The following ORC6 variants were observed in gnomAD, a reference collection of about 807,000 sequenced individuals.
ORC6 encodes origin recognition complex subunit 6, also known as origin recognition complex, subunit 6 homolog-like (yeast).
Under a neutral mutation model 30.0 loss-of-function variants are expected in ORC6, and 31 were observed. The ratio of observed to expected loss-of-function variants is 1.03; its 90% confidence interval spans 0.78 to 1.40. ORC6 has a LOEUF of 1.40. Ranked by LOEUF, ORC6 falls within the 40% of genes most tolerant of loss-of-function variation. ORC6 has a pLI of 0.00. For missense variants in ORC6, 340 were observed against 304.3 expected (o/e 1.12, Z -0.87); for synonymous variants, 136 against 111.2 (o/e 1.22, Z -1.40).
chr16:46,696,366 G>A, intron 6 of ORC6: 1 of 491,986 alleles, frequency 2.0e-6, no homozygotes, highest in South Asian at 2.1e-5. Flanking sequence ...GACCAGCCTG[G>A]GCAGCTACAG....
At chr16:46,693,457 C>G in intron 4 of ORC6, 1 of 512,472 alleles carries the variant, frequency 2.0e-6, no homozygotes, top group Non-Finnish European at 3.5e-6. Flanking sequence ...GAGATGATAT[C>G]TGTCATTAAA....
chr16:46,695,210 G>A (rs898896838), intron 4 of ORC6: 6 of 266,500 alleles, frequency 2.3e-5, no homozygotes, highest in Admixed American at 2.1e-4. Flanking sequence ...TTACATTCCT[G>A]TAATATAAAT....
intron 4 of ORC6, chr16:46,694,610 G>T (rs1966497642): frequency 9.0e-6 from 1 of 111,722 alleles, no homozygotes; most frequent in African/African-American, 3.3e-5. Context: ...CCCAGTAGGG[G>T]CGGCCGGGGC....
chr16:46,695,890 TA>T, intron 5 of ORC6, 126 bp from the exon 6 acceptor site: 1 of 799,782 alleles, frequency 1.3e-6, no homozygotes, highest in Non-Finnish European at 2.2e-6. Context: ...AAGAGAGGTC[TA>T]AGATCATTTC....
intron 3 of ORC6, among the ~76,000 whole-genome samples, chr16:46,692,789 A>G (rs1245790327): frequency 6.6e-6 from 1 of 151,824 alleles, no homozygotes; most frequent in Non-Finnish European, 1.5e-5. Context: ...AATTGCTTGA[A>G]CCCAGGAGGT....
Position 46,689,728 on chromosome 16 carries a change from G to C in ORC6, c.23G>C (p.Arg8Pro). MGSELIGRLAPRLGLAEP... is the reference protein window; with the variant it reads MGSELIGPLAPRLGLAEP... ...GCCATGGGGTCGGAGCTGATCGGGCGCCTAGCCCCGCGCCTGGGCCTCGCC... is the reference window on the plus strand; with the variant it reads ...GCCATGGGGTCGGAGCTGATCGGGCCCCTAGCCCCGCGCCTGGGCCTCGCC... Residue 8 changes from arginine (R) to proline (P), a missense_variant, in exon 1 of 7, where the codon CGC becomes CCC. Physicochemically the swap from Arg to Pro is moderately radical, Grantham distance 103 (BLOSUM62 -2). Transcript: ENST00000219097. 1.9e-6 allele frequency: 3 copies of C among 1,602,088 alleles called. No individual in the cohort carries two copies. Among genetic ancestry groups the C allele is most frequent in the Non-Finnish European group, 2.6e-6 (3 of 1,174,698 alleles).
At position 46,695,998 on chromosome 16, in the gene ORC6, T is replaced by A. The variant is rs1966513913; in HGVS notation, c.563-19T>A. 6.3e-7 allele frequency: 1 copy of A among 1,593,774 alleles called. No individual in the cohort carries two copies. Among genetic ancestry groups the A allele is most frequent in the Admixed American group, 1.7e-5 (1 of 59,970 alleles). On this transcript the variant is annotated intron_variant, in intron 5 of 6. Coordinates refer to ENST00000219097, the MANE Select transcript of ORC6 (RefSeq NM_014321.4). ...ATTGAGAACAGGAGAAAAATTAACC[T>A]TGATAACACTTCTTAAAGGAGAACC...
Position 46,693,138 on chromosome 16 carries a change from A to T in ORC6, c.405A>T (p.Leu135Phe), listed in dbSNP as rs907773108. The part of the protein sequence containing the change: ...LPQTQQVDLD[L>F]SRPLFTSAAL... ...AGACACAGCAAGTGGATCTTGACTT[A>T]TCCAGGCCACTTTTCACTTCTGCTG... Residue 135 changes from leucine (L) to phenylalanine (F), a missense_variant, in exon 4 of 7, where the codon TTA becomes TTT. Transcript: ENST00000219097. 3 of 1,613,576 alleles carry T rather than the reference A, an allele frequency of 1.9e-6. No homozygotes were observed. The highest frequency in any genetic ancestry group is 2.5e-6 in the Non-Finnish European group (3 of 1,179,502).
chr16:46,696,899 G>A (rs1049643468), intron 6 of ORC6, among the ~76,000 whole-genome samples: 16 of 152,034 alleles, frequency 1.1e-4, no homozygotes, highest in Admixed American at 7.9e-4. Context: ...CAAGTGACCC[G>A]CCCCCTTCAC....
intron 1 of ORC6, 66 bp from the exon 2 acceptor site, chr16:46,690,916 CTGTATTCAT>C: frequency 6.7e-7 from 1 of 1,498,432 alleles, no homozygotes. Flanking sequence ...GCTAACCAGG[CTGTATTCAT>C]TGTTTACCAA....
At chr16:46,693,324 C>A (rs1177363503) in intron 4 of ORC6, 142 bp downstream of exon 4, 57 of 669,150 alleles carry the variant, frequency 8.5e-5, no homozygotes, top group South Asian at 7.0e-4. Flanking sequence ...GGCCAAGTGA[C>A]TATATTCCCA....
Position 46,697,750 on chromosome 16 carries a change from G to GCCCA in ORC6, c.*166_*167insCCAC. ...CCTGGAGGCTAAGTCTGGGCAGTGGGCTGGCCCCTGGTGTGAGCATTAGAC... is the reference window on the plus strand; with the variant it reads ...CCTGGAGGCTAAGTCTGGGCAGTGGGCCCACTGGCCCCTGGTGTGAGCATTAGAC... On this transcript the variant is annotated 3_prime_UTR_variant, in exon 7 of 7. Coordinates refer to ENST00000219097, the MANE Select transcript of ORC6 (RefSeq NM_014321.4). 1 of 761,390 alleles carries GCCCA rather than the reference G, an allele frequency of 1.3e-6. No individual in the cohort carries two copies. Among genetic ancestry groups the GCCCA allele is most frequent in the Non-Finnish European group, 2.3e-6 (1 of 437,082 alleles). The allele number at this position is 761,390 out of a possible 1,614,324, so 47.2% of individuals were successfully genotyped here.
intron 6 of ORC6, 74 bp downstream of exon 6, chr16:46,696,159 C>A: frequency 1.9e-6 from 2 of 1,043,494 alleles, no homozygotes; most frequent in Non-Finnish European, 3.0e-6. Context: ...TAGCAGCTTG[C>A]CTGACAGGAG....
intron 5 of ORC6, 142 bp downstream of exon 5, chr16:46,695,816 TCTAAC>T (rs965184740): frequency 2.6e-6 from 2 of 758,424 alleles, no homozygotes; most frequent in African/African-American, 3.5e-5. Flanking sequence ...TATTGATGTT[TCTAAC>T]CTATGATTCC....
Position 46,693,165 on chromosome 16 carries a change from A to C in ORC6, c.432A>C (p.Ala144=), listed in dbSNP as rs1419052317. ...DLSRPLFTSA[A]LLSACKILKL... ...CCAGGCCACTTTTCACTTCTGCTGCACTGCTTTCAGCATGCAAGTAGGTAT... is the reference window on the plus strand; with the variant it reads ...CCAGGCCACTTTTCACTTCTGCTGCCCTGCTTTCAGCATGCAAGTAGGTAT... The change falls in exon 4 of 7, where the codon GCA becomes GCC. Residue 144 remains alanine (A), a synonymous_variant. Coordinates refer to ENST00000219097, the MANE Select transcript of ORC6 (RefSeq NM_014321.4). The C allele has an allele frequency of 5.0e-6, 8 of 1,611,440 alleles. No homozygotes were observed. In the East Asian group the frequency reaches 1.6e-4, roughly 31 times the overall value.
intron 2 of ORC6, among the ~76,000 whole-genome samples, chr16:46,691,547 A>T (rs1475563767): frequency 6.6e-6 from 1 of 152,252 alleles, no homozygotes; most frequent in Non-Finnish European, 1.5e-5. Context: ...TGAAGATAAA[A>T]TATCCAATTT....
rs772134824 is a variant in ORC6, at chr16:46,698,001, G to C, written c.*416G>C. 3.1e-5 allele frequency: 13 copies of C among 419,296 alleles called. No homozygotes were observed. Among genetic ancestry groups the C allele is most frequent in the Non-Finnish European group, 2.9e-5 (6 of 207,152 alleles). 26.0% of individuals were successfully genotyped at this position (419,296 alleles called of 1,614,324 possible). A position where few individuals can be genotyped will look rare whatever the true frequency, so the allele number is the denominator to read the frequency against. On this transcript the variant is annotated 3_prime_UTR_variant, in exon 7 of 7. Coordinates refer to ENST00000219097, the MANE Select transcript of ORC6 (RefSeq NM_014321.4). Reference sequence around the variant, plus strand: ...GTGATGGTGCATGCCTGTAATCCCAGCTCCTCAGTAGGCTGAGACAGGAGC... The same window carrying C: ...GTGATGGTGCATGCCTGTAATCCCACCTCCTCAGTAGGCTGAGACAGGAGC...
At chr16:46,695,929 A>T in intron 5 of ORC6, 88 bp from the exon 6 acceptor site, 1 of 966,116 alleles carries the variant, frequency 1.0e-6, no homozygotes, top group Middle Eastern at 2.1e-4. Flanking sequence ...ATCAGTTAAG[A>T]TGTCTAATTT....
At position 46,691,110 on chromosome 16, in the gene ORC6, C is replaced by G; in HGVS notation, c.185C>G (p.Pro62Arg). 6.2e-7 allele frequency: 1 copy of G among 1,614,058 alleles called. No homozygotes were observed. Among genetic ancestry groups the G allele is most frequent in the Non-Finnish European group, 8.5e-7 (1 of 1,179,954 alleles). ...CTTGCAGCTTCCTGGATGAAGTGCC[C>G]CTTGGACAGGGTAAGTAGGTCCCAC... is the stretch of plus-strand genomic sequence containing the variant. ...LDLAASWMKC[P>R]LDRAYLIKLS... Residue 62 changes from proline to arginine, a missense_variant, in exon 2 of 7, where the codon CCC (proline) becomes CGC (arginine). By Grantham distance (103) the Pro-to-Arg change is moderately radical. Transcript: ENST00000219097.
Sources: allele counts gnomAD v4.1 joint callset (sites outside exome capture counted in the v4.1 genomes callset), GRCh38; gene constraint gnomAD v4.1.1; transcripts MANE v1.5; gene names NCBI Gene and HGNC (gene_info 2026-07-23, HGNC 2026-07-21).